The following NUP155 variants were observed in gnomAD, a reference collection of about 807,000 sequenced individuals.
The protein encoded by NUP155 is nucleoporin 155.
A neutral mutation model predicts 180.4 loss-of-function variants in NUP155; 71 were observed. That is an observed-to-expected ratio of 0.39 (90% confidence interval 0.33 to 0.48). The LOEUF (loss-of-function observed/expected upper bound fraction) is 0.48. Ranked by LOEUF, NUP155 falls within the 20% of genes least tolerant of loss-of-function variation. The pLI is 0.91. For missense variants in NUP155, 1,553 were observed against 1,648.9 expected (o/e 0.94, Z 1.01); for synonymous variants, 582 against 559.5 (o/e 1.04, Z -0.57).
chr5:37,341,687 C>A (rs939908833), intron 10 of NUP155, among the ~76,000 whole-genome samples: 1 of 152,038 alleles, frequency 6.6e-6, no homozygotes, highest in African/African-American at 2.4e-5. Context: ...ACTACAGGTG[C>A]CTGCCACCAT....
intron 30 of NUP155, chr5:37,301,024 A>G (rs889240413): frequency 3.0e-5 from 6 of 197,998 alleles, no homozygotes; most frequent in Middle Eastern, 2.6e-3. Context: ...GAGTTTCCCC[A>G]TGTTGACCAG....
intron 20 of NUP155, among the ~76,000 whole-genome samples, chr5:37,319,558 GAATATGTTAAAC>G (rs1385559062): frequency 4.6e-5 from 7 of 152,228 alleles, no homozygotes; most frequent in Middle Eastern, 6.8e-3. Flanking sequence ...TTAAATATAT[GAATATGTTAAAC>G]ATATTCAATA....
At chr5:37,314,741 G>A (rs1387187139) in intron 21 of NUP155, among the ~76,000 whole-genome samples, 1 of 152,216 alleles carries the variant, frequency 6.6e-6, no homozygotes, top group Non-Finnish European at 1.5e-5. Context: ...TTGGGAGGCT[G>A]AGGCAGGAGA....
chr5:37,299,617 A>C, intron 30 of NUP155, 49 bp from the exon 31 acceptor site: 2 of 1,574,450 alleles, frequency 1.3e-6, no homozygotes, highest in Non-Finnish European at 1.7e-6. Flanking sequence ...ATCAACATTC[A>C]GAGATTAATA....
chr5:37,295,101 C>T (rs1374762869), intron 32 of NUP155, among the ~76,000 whole-genome samples: 1 of 152,202 alleles, frequency 6.6e-6, no homozygotes, highest in African/African-American at 2.4e-5. Flanking sequence ...TGATGCCGAG[C>T]CGAAGCTGGA....
chr5:37,295,874 GT>G (rs1475429646), intron 32 of NUP155, among the ~76,000 whole-genome samples: 2 of 148,460 alleles, frequency 1.3e-5, no homozygotes, highest in South Asian at 2.1e-4. Flanking sequence ...CGGGAGGGAG[GT>G]TGGGGGGTCA....
Position 37,294,022 on chromosome 5 carries a change from A to AT in NUP155, c.3930+306_3930+307insA, listed in dbSNP as rs1561762446. Among the ~76,000 whole-genome samples the AT allele has an allele frequency of 6.6e-5, 5 of 76,178 alleles. 1 individual carries two copies. The African/African-American group carries it at 1.1e-3, about 17-fold the overall frequency. The allele number at this position is 76,178 out of a possible 152,430, so 50.0% of individuals were successfully genotyped here. ...CGCCGTCTCAAAAAAAAAAAAAAAA[A>AT]AAAAAATAAAGCAAATGATGATTCT... On this transcript the variant is annotated intron_variant, in intron 33 of 34. Coordinates refer to ENST00000231498, the MANE Select transcript of NUP155 (RefSeq NM_153485.3).
intron 33 of NUP155, among the ~76,000 whole-genome samples, chr5:37,294,005 C>CAAAAAAAA (rs70976294): frequency 6.7e-4 from 25 of 37,248 alleles, no homozygotes; most frequent in South Asian, 2.7e-3. Flanking sequence ...GACGCCGTCT[C>CAAAAAAAA]AAAAAAAAAA....
At position 37,292,868 on chromosome 5, in the gene NUP155, T is replaced by C. The variant is rs1742309153; in HGVS notation, c.4037+11A>G. ...AAGCTTTTGCTGATCCAATATTTAA[T>C]TCATAAGTACCTTTCACAATTTAAA... is the stretch of plus-strand genomic sequence containing the variant. On this transcript the variant is annotated intron_variant, in intron 34 of 34. Transcript: ENST00000231498. 5 of 1,543,950 alleles carry C rather than the reference T, an allele frequency of 3.2e-6. No homozygotes were observed. Among genetic ancestry groups the C allele is most frequent in the Non-Finnish European group, 4.5e-6 (5 of 1,117,144 alleles).
chr5:37,305,214 A>T lies in NUP155; in HGVS notation c.2904-4T>A. The T allele has an allele frequency of 6.2e-7, 1 of 1,609,568 alleles. No individual in the cohort carries two copies. The highest frequency in any genetic ancestry group is 8.5e-7 in the Non-Finnish European group (1 of 1,176,660). ...AATGCATTTGTAACTGTTTAATCTG[A>T]AAGAAAATGGAAAAGGAACAATTAC... On this transcript the variant is annotated splice_polypyrimidine_tract_variant and splice_region_variant and intron_variant, in intron 25 of 34. Coordinates refer to ENST00000231498, the MANE Select transcript of NUP155 (RefSeq NM_153485.3).
intron 17 of NUP155, 32 bp from the exon 18 acceptor site, chr5:37,327,808 A>T: frequency 6.2e-7 from 1 of 1,608,068 alleles, no homozygotes; most frequent in Non-Finnish European, 8.5e-7. Context: ...CAAATCTCTT[A>T]ATCTTAATCT....
chr5:37,341,606 T>C (rs1745727717), intron 10 of NUP155, among the ~76,000 whole-genome samples: 1 of 152,184 alleles, frequency 6.6e-6, no homozygotes, highest in South Asian at 2.1e-4. Context: ...AGTGGCGCGA[T>C]CTTGGCTCAC....
At position 37,291,836 on chromosome 5, in the gene NUP155, T is replaced by C. The variant is rs1742246954; in HGVS notation, c.*64A>G. ...ACATTCTTAGATTTAGAACACCTGA[T>C]ATCTGGACCCAGCTGAGTTTTTATT... is the stretch of plus-strand genomic sequence containing the variant. On this transcript the variant is annotated 3_prime_UTR_variant, in exon 35 of 35. Coordinates refer to ENST00000231498, the MANE Select transcript of NUP155 (RefSeq NM_153485.3). 1.2e-5 allele frequency: 17 copies of C among 1,461,896 alleles called. No individual in the cohort carries two copies. The East Asian group carries it at 3.6e-4, about 31-fold the overall frequency. The allele number at this position is 1,461,896 out of a possible 1,614,324, so 90.6% of individuals were successfully genotyped here. A position where few individuals can be genotyped will look rare whatever the true frequency, so the allele number is the denominator to read the frequency against.
At chr5:37,295,237 C>T (rs1003704168) in intron 32 of NUP155, among the ~76,000 whole-genome samples, 2 of 152,102 alleles carry the variant, frequency 1.3e-5, no homozygotes, top group East Asian at 3.9e-4. Context: ...TGGGTGGAGA[C>T]GGGGTTTTGC....
Position 37,291,807 on chromosome 5 carries a change from T to C in NUP155, c.*93A>G. ...AAAAACATATTTCTATTAAGATTGT[T>C]CTTACATTCTTAGATTTAGAACACC... On this transcript the variant is annotated 3_prime_UTR_variant, in exon 35 of 35. Coordinates refer to ENST00000231498, the MANE Select transcript of NUP155 (RefSeq NM_153485.3). 1 of 1,135,590 alleles carries C rather than the reference T, an allele frequency of 8.8e-7. No individual in the cohort carries two copies. The highest frequency in any genetic ancestry group is 1.3e-6 in the Non-Finnish European group (1 of 753,196). The allele number at this position is 1,135,590 out of a possible 1,614,324, so 70.3% of individuals were successfully genotyped here.
chr5:37,327,521 C>T, intron 18 of NUP155, 108 bp downstream of exon 18: 1 of 1,302,030 alleles, frequency 7.7e-7, no homozygotes, highest in Admixed American at 1.8e-5. Context: ...TGAGCTAAAA[C>T]TAAAATTTAA....
chr5:37,345,837 G>A (rs1334359217), intron 9 of NUP155, among the ~76,000 whole-genome samples: 2 of 150,244 alleles, frequency 1.3e-5, no homozygotes, highest in Non-Finnish European at 2.9e-5. Flanking sequence ...CCGGCAGGCA[G>A]AGGGTGCAGT....
At chr5:37,308,761 T>TA (rs1021038625) in intron 24 of NUP155, among the ~76,000 whole-genome samples, 1 of 150,236 alleles carries the variant, frequency 6.7e-6, no homozygotes, top group Non-Finnish European at 1.5e-5. Context: ...GCGCCTGTAA[T>TA]ACCAGCTACC....
At position 37,325,890 on chromosome 5, in the gene NUP155, T is replaced by C. The variant is rs773209669; in HGVS notation, c.2091+11A>G. On this transcript the variant is annotated intron_variant, in intron 19 of 34. Coordinates refer to ENST00000231498, the MANE Select transcript of NUP155 (RefSeq NM_153485.3). Reference sequence around the variant, plus strand: ...ACACAAAAATAACAAAATAATATTATACACACTTACTGCAGTGATCTCTCT... The same window carrying C: ...ACACAAAAATAACAAAATAATATTACACACACTTACTGCAGTGATCTCTCT... 6.4e-7 allele frequency: 1 copy of C among 1,550,806 alleles called. No individual in the cohort carries two copies. The highest frequency in any genetic ancestry group is 1.1e-5 in the South Asian group (1 of 89,596).
Sources: allele counts gnomAD v4.1 joint callset (sites outside exome capture counted in the v4.1 genomes callset), GRCh38; gene constraint gnomAD v4.1.1; transcripts MANE v1.5; gene names NCBI Gene and HGNC (gene_info 2026-07-23, HGNC 2026-07-21).